The following TENT4B variants were observed in gnomAD, a reference collection of about 807,000 sequenced individuals.
The protein encoded by TENT4B is terminal nucleotidyltransferase 4B, also known as PAP associated domain containing 5.
In TENT4B, 10 loss-of-function variants were observed where a neutral mutation model predicts 75.0. The ratio of observed to expected loss-of-function variants is 0.13; its 90% CI spans 0.08 to 0.23. TENT4B has a LOEUF of 0.23. Ranked by LOEUF, TENT4B falls within the 10% of genes least tolerant of loss-of-function variation. The pLI is 1.00. For missense variants in TENT4B, 579 were observed against 893.8 expected (o/e 0.65, Z 4.49); for synonymous variants, 350 against 357.7 (o/e 0.98, Z 0.24).
chr16:50,186,098 C>T (rs1373237957), intron 1 of TENT4B, among the ~76,000 whole-genome samples: 1 of 152,096 alleles, frequency 6.6e-6, no homozygotes, highest in Non-Finnish European at 1.5e-5. Flanking sequence ...GTTTACAAGT[C>T]AGTGGCATTA....
intron 1 of TENT4B, among the ~76,000 whole-genome samples, chr16:50,210,114 T>C (rs2031201713): frequency 6.6e-6 from 1 of 152,074 alleles, no homozygotes; most frequent in Admixed American, 6.5e-5. Flanking sequence ...AGCCTTCTGG[T>C]CTATCCCAGT....
chr16:50,154,359 C>T, intron 1 of TENT4B, 100 bp downstream of exon 1: 1 of 1,341,284 alleles, frequency 7.5e-7, no homozygotes, highest in Non-Finnish European at 9.5e-7. Flanking sequence ...AGCGGCCACC[C>T]CCACGGCCTG....
chr16:50,224,987 A>T lies in TENT4B; in HGVS notation c.1605A>T (p.Ser535=), dbSNP rs755079415. 5.0e-6 allele frequency: 8 copies of T among 1,613,508 alleles called. No individual in the cohort carries two copies. In the South Asian group the frequency reaches 8.8e-5, roughly 18 times the overall value. ...GCTTGAAGAATAGACCTGAGCCTTCATGCAATGGTAAGATATTTTCCTTGG... is the reference window on the plus strand; with the variant it reads ...GCTTGAAGAATAGACCTGAGCCTTCTTGCAATGGTAAGATATTTTCCTTGG... ...QWGLKNRPEP[S]CNGNGVTLIV... The change falls in exon 9 of 12, where the codon TCA becomes TCT. Residue 535 remains serine (S), a synonymous_variant. Transcript: ENST00000561678.
chr16:50,172,880 CA>C (rs1261365131), intron 1 of TENT4B, among the ~76,000 whole-genome samples: 1 of 152,184 alleles, frequency 6.6e-6, no homozygotes, highest in Non-Finnish European at 1.5e-5. Flanking sequence ...TTACCTTTTA[CA>C]GAATGTCATA....
chr16:50,193,962 C>T (rs1359319934), intron 1 of TENT4B, among the ~76,000 whole-genome samples: 1 of 152,118 alleles, frequency 6.6e-6, no homozygotes, highest in African/African-American at 2.4e-5. Flanking sequence ...GCATTAATGT[C>T]CCTTTTTTAT....
intron 1 of TENT4B, among the ~76,000 whole-genome samples, chr16:50,197,731 G>A: frequency 6.6e-6 from 1 of 152,184 alleles, no homozygotes; most frequent in African/African-American, 2.4e-5. Flanking sequence ...CGGAAGTGAG[G>A]TACAGAAACA....
intron 1 of TENT4B, among the ~76,000 whole-genome samples, chr16:50,191,883 C>G (rs991663685): frequency 2.0e-5 from 3 of 152,034 alleles, no homozygotes; most frequent in African/African-American, 4.8e-5. Context: ...CGCACCATTG[C>G]CCTCCAGCCT....
At chr16:50,226,706 A>G (rs993923325) in intron 10 of TENT4B, among the ~76,000 whole-genome samples, 6 of 152,082 alleles carry the variant, frequency 3.9e-5, no homozygotes, top group Non-Finnish European at 8.8e-5. Flanking sequence ...GTGAGCCACC[A>G]CGCCTGGCCA....
chr16:50,221,755 C>G (rs2031836933), intron 5 of TENT4B, among the ~76,000 whole-genome samples: 1 of 151,804 alleles, frequency 6.6e-6, no homozygotes, highest in African/African-American at 2.4e-5. Context: ...TGTTTCTATC[C>G]TATAGCAAGT....
At chr16:50,199,018 C>T (rs1037138666) in intron 1 of TENT4B, among the ~76,000 whole-genome samples, 7 of 152,258 alleles carry the variant, frequency 4.6e-5, no homozygotes, top group Non-Finnish European at 1.0e-4. Context: ...TATCTCTCCC[C>T]TGACTTTGAT....
At chr16:50,226,739 AG>A (rs1372254739) in intron 10 of TENT4B, among the ~76,000 whole-genome samples, 1 of 152,178 alleles carries the variant, frequency 6.6e-6, no homozygotes, top group Non-Finnish European at 1.5e-5. Flanking sequence ...GTTGAGATAT[AG>A]TTAACATAAA....
intron 5 of TENT4B, among the ~76,000 whole-genome samples, chr16:50,219,453 C>T (rs1300950180): frequency 6.6e-6 from 1 of 152,124 alleles, no homozygotes; most frequent in African/African-American, 2.4e-5. Context: ...GCTGTGACTG[C>T]TTGATTTAGC....
rs1025938396 is a variant in TENT4B, at chr16:50,235,123, T to C, written c.*5795T>C. 2.6e-6 allele frequency: 2 copies of C among 767,216 alleles called. No individual in the cohort carries two copies. Among genetic ancestry groups the C allele is most frequent in the Admixed American group, 6.3e-5 (1 of 15,970 alleles). The allele number at this position is 767,216 out of a possible 1,614,324, so 47.5% of individuals were successfully genotyped here. A position where few individuals can be genotyped will look rare whatever the true frequency, so the allele number is the denominator to read the frequency against. ...TCACTGGGCAACCAGTGATGAAAAC[T>C]ATGAATGAATTGCACACCTGGAAGA... On this transcript the variant is annotated 3_prime_UTR_variant, in exon 12 of 12. Coordinates refer to ENST00000561678, the MANE Select transcript of TENT4B (RefSeq NM_001365324.3).
At position 50,167,822 on chromosome 16, in the gene TENT4B, A is replaced by C. The variant is rs1277134904; in HGVS notation, c.638+13563A>C. Among the ~76,000 whole-genome samples, 3 of 151,906 alleles carry C rather than the reference A, an allele frequency of 2.0e-5. No homozygotes were observed. In the East Asian group the frequency reaches 5.8e-4, roughly 29 times the overall value. On this transcript the variant is annotated intron_variant, in intron 1 of 11. Coordinates refer to ENST00000561678, the MANE Select transcript of TENT4B (RefSeq NM_001365324.3). ...CAGGCGTGCACCACCAAGCCTGGCT[A>C]ATTTTTGTATTTTTAGTAAAGAGGG... is the stretch of plus-strand genomic sequence containing the variant.
chr16:50,215,903 A>G (rs1399586981), intron 3 of TENT4B, among the ~76,000 whole-genome samples, 172 bp from the exon 4 acceptor site: 1 of 152,236 alleles, frequency 6.6e-6, no homozygotes, highest in African/African-American at 2.4e-5. Context: ...GTTAAAATCA[A>G]CAACTACTAT....
At chr16:50,208,869 A>G (rs1434072562) in intron 1 of TENT4B, among the ~76,000 whole-genome samples, 1 of 152,146 alleles carries the variant, frequency 6.6e-6, no homozygotes, top group Non-Finnish European at 1.5e-5. Context: ...AGGAGCTGGA[A>G]TTACAGGCAT....
chr16:50,190,091 A>C (rs1596693547), intron 1 of TENT4B, among the ~76,000 whole-genome samples: 2 of 21,324 alleles, frequency 9.4e-5, no homozygotes, highest in South Asian at 7.0e-3. Context: ...AAAAAAAAAA[A>C]AACAAAGAAA....
rs1555506599 is a variant in TENT4B, at chr16:50,153,513, A to AGCG, written c.-107_-106insGGC. ...GAGCAGCAGCAGCAGCAGCAGCGGC[A>AGCG]GCAGCGGCAGCAGCAGCAGCAGCCG... On this transcript the variant is annotated 5_prime_UTR_variant, in exon 1 of 12. Transcript: ENST00000561678. 23 of 855,022 alleles carry AGCG rather than the reference A, an allele frequency of 2.7e-5. No individual in the cohort carries two copies. The highest frequency in any genetic ancestry group is 1.3e-4 in the Admixed American group (2 of 15,520). The allele number at this position is 855,022 out of a possible 1,614,324, so 53.0% of individuals were successfully genotyped here.
At chr16:50,211,203 CATTAAA>C (rs1322284223) in intron 1 of TENT4B, 114 bp from the exon 2 acceptor site, 3 of 1,039,886 alleles carry the variant, frequency 2.9e-6, no homozygotes, top group Non-Finnish European at 4.0e-6. Flanking sequence ...TGAGTTATAA[CATTAAA>C]ATTAAGGTAG....
Sources: allele counts gnomAD v4.1 joint callset (sites outside exome capture counted in the v4.1 genomes callset), GRCh38; gene constraint gnomAD v4.1.1; transcripts MANE v1.5; gene names NCBI Gene and HGNC (gene_info 2026-07-23, HGNC 2026-07-21).